Variants in PRICKLE1 observed in about 807,000 individuals in gnomAD.
PRICKLE1 encodes prickle-like protein 1.
A neutral mutation model predicts 70.2 loss-of-function variants in PRICKLE1; 14 were observed. The ratio of observed to expected loss-of-function variants is 0.20; its 90% CI spans 0.13 to 0.31. The LOEUF (loss-of-function observed/expected upper bound fraction) is 0.31. Ranked by LOEUF, PRICKLE1 falls within the 10% of genes least tolerant of loss-of-function variation. The pLI, the probability that PRICKLE1 is intolerant of heterozygous loss-of-function variation, is 1.00. For synonymous variants in PRICKLE1, 357 were observed against 379.9 expected, an observed-to-expected ratio of 0.94 and a Z score of 0.70; for missense variants, 821 against 1,026.2, an observed-to-expected ratio of 0.80 and a Z score of 2.73.
At chr12:42,470,046 GTGT>G in intron 3 of PRICKLE1, 197 bp downstream of exon 3, 1 of 569,698 alleles carries the variant, frequency 1.8e-6, no homozygotes, top group South Asian at 2.0e-5. Context: ...AAACCAACTT[GTGT>G]TAAGTTTATT....
At chr12:42,553,367 C>T (rs1218140480) in intron 1 of PRICKLE1, among the ~76,000 whole-genome samples, 1 of 151,510 alleles carries the variant, frequency 6.6e-6, no homozygotes, top group Non-Finnish European at 1.5e-5. Context: ...TGGCGTGAAC[C>T]GGGGAGGCAG....
At chr12:42,575,253 G>A (rs1028767774) in intron 1 of PRICKLE1, among the ~76,000 whole-genome samples, 2 of 152,060 alleles carry the variant, frequency 1.3e-5, no homozygotes, top group Non-Finnish European at 2.9e-5. Flanking sequence ...ACAGAGAGCT[G>A]TTACTTAGAA....
At chr12:42,488,787 A>C (rs996417668) in intron 1 of PRICKLE1, among the ~76,000 whole-genome samples, 1 of 152,202 alleles carries the variant, frequency 6.6e-6, no homozygotes, top group African/African-American at 2.4e-5. Context: ...TTTAGATACT[A>C]TAAATACCAA....
At chr12:42,527,916 AATATATATATATATATAT>A (rs1163552624) in intron 1 of PRICKLE1, among the ~76,000 whole-genome samples, 367 of 20,144 alleles carry the variant, frequency 0.018, 30 homozygotes, top group African/African-American at 0.046. Flanking sequence ...TACTCTTTAT[AATATATATATATATATAT>A]ATATATATAT....
chr12:42,563,363 A>AT (rs1940552941), intron 1 of PRICKLE1, among the ~76,000 whole-genome samples: 2 of 152,062 alleles, frequency 1.3e-5, no homozygotes, highest in South Asian at 4.2e-4. Flanking sequence ...ATGTTTAATT[A>AT]TCATGGGTAT....
At chr12:42,514,408 CT>C (rs143664259) in intron 1 of PRICKLE1, among the ~76,000 whole-genome samples, 10 of 151,634 alleles carry the variant, frequency 6.6e-5, no homozygotes, top group Admixed American at 6.6e-5. Flanking sequence ...AGATCATCAT[CT>C]TTTTTTTTGT....
In PRICKLE1 at chr12:42,466,283, C is replaced by A. The variant is rs1308626806; in HGVS notation, c.686G>T (p.Arg229Met). Residue 229 changes from arginine to methionine, a missense_variant, in exon 6 of 8, where the codon AGG (arginine) becomes ATG (methionine). Coordinates refer to ENST00000345127, the MANE Select transcript of PRICKLE1 (RefSeq NM_153026.3). ...GGGGCGGCCGTCCTTCATGATATAC[C>A]TCTGTCCTCCCAGGACCGTTTCACA... ...LECETVLGGQ[R>M]YIMKDGRPFC... is the part of the protein sequence containing the mutation. The A allele has an allele frequency of 2.5e-6, 4 of 1,614,192 alleles. No homozygotes were observed. Among genetic ancestry groups the A allele is most frequent in the Non-Finnish European group, 3.4e-6 (4 of 1,180,046 alleles).
In PRICKLE1 at chr12:42,457,345, C is replaced by T. The variant is rs1937629626; in HGVS notation, c.*2464G>A. The T allele has an allele frequency of 6.6e-6, 1 of 152,166 alleles. No individual in the cohort carries two copies. The highest frequency in any genetic ancestry group is 2.4e-5 in the African/African-American group (1 of 41,438). The allele number at this position is 152,166 out of a possible 1,614,324, so 9.4% of individuals were successfully genotyped here. Reference sequence around the variant, plus strand: ...TGCATTTCTTCAGGCTAAGTATCACCTGTTTACTATTTATTATCCATCCTT... The same window carrying T: ...TGCATTTCTTCAGGCTAAGTATCACTTGTTTACTATTTATTATCCATCCTT... On this transcript the variant is annotated 3_prime_UTR_variant, in exon 8 of 8. Transcript: ENST00000345127.
At position 42,460,402 on chromosome 12, in the gene PRICKLE1, C is replaced by T. The variant is rs1203666124; in HGVS notation, c.1903G>A (p.Asp635Asn). 3 of 1,614,100 alleles carry T rather than the reference C, an allele frequency of 1.9e-6. No individual in the cohort carries two copies. Among genetic ancestry groups the T allele is most frequent in the East Asian group, 2.2e-5 (1 of 44,886 alleles). Residue 635 changes from aspartate to asparagine, a missense_variant, in exon 8 of 8, where the codon GAT (aspartate) becomes AAT (asparagine). By Grantham distance (23) the Asp-to-Asn change is conservative. Transcript: ENST00000345127. ...QSRPQQVKFSDDVIDNGNYDI... is the reference protein window; with the variant it reads ...QSRPQQVKFSNDVIDNGNYDI... ...TAGTTCCCATTGTCAATGACATCATCAGAAAACTTGACCTGCTGGGGTCTG... is the reference window on the plus strand; with the variant it reads ...TAGTTCCCATTGTCAATGACATCATTAGAAAACTTGACCTGCTGGGGTCTG...
intron 1 of PRICKLE1, among the ~76,000 whole-genome samples, chr12:42,519,193 C>CTTTTTTTTTTTTTTTTTTTTTTTTTT (rs11342397): frequency 1.0e-5 from 1 of 99,190 alleles, no homozygotes; most frequent in East Asian, 3.2e-4. Context: ...CCTTTTTTTC[C>CTTTTTTTTTTTTTTTTTTTTTTTTTT]TTTTTTTTTT....
Position 42,460,565 on chromosome 12 carries a change from C to T in PRICKLE1, c.1740G>A (p.Met580Ile). ...ETEDCEKMSN[M>I]GTLNSSMLHR... ...GCAGCATGGAAGAGTTCAAAGTTCC[C>T]ATATTGCTCATCTTCTCACAATCTT... The change falls in exon 8 of 8, where the codon ATG becomes ATA. Residue 580 changes from methionine to isoleucine, a missense_variant. Physicochemically the swap from Met to Ile is conservative, Grantham distance 10 (BLOSUM62 1). Transcript: ENST00000345127. 1 of 1,614,052 alleles carries T rather than the reference C, an allele frequency of 6.2e-7. No homozygotes were observed. The highest frequency in any genetic ancestry group is 8.5e-7 in the Non-Finnish European group (1 of 1,180,038).
At chr12:42,540,605 C>T (rs1940094848) in intron 1 of PRICKLE1, among the ~76,000 whole-genome samples, 1 of 152,066 alleles carries the variant, frequency 6.6e-6, no homozygotes, top group Non-Finnish European at 1.5e-5. Context: ...TCTTGTTGCC[C>T]AGGCTGGAGT....
intron 1 of PRICKLE1, among the ~76,000 whole-genome samples, chr12:42,508,862 C>T (rs909867285): frequency 1.3e-5 from 2 of 152,300 alleles, no homozygotes; most frequent in South Asian, 2.1e-4. Flanking sequence ...CCCTGGGGAC[C>T]TCAGTTTCTC....
Position 42,459,095 on chromosome 12 carries a change from A to C in PRICKLE1, c.*714T>G, listed in dbSNP as rs1328542199. 1 of 449,666 alleles carries C rather than the reference A, an allele frequency of 2.2e-6. No individual in the cohort carries two copies. The highest frequency in any genetic ancestry group is 4.0e-6 in the Non-Finnish European group (1 of 252,282). 27.9% of individuals were successfully genotyped at this position (449,666 alleles called of 1,614,324 possible). The stretch of plus-strand genomic sequence containing the variant: ...CATCCATAAATTCTGGTTCCCTGGC[A>C]AATCTAGCACTGCAGCGTAACAAAC... On this transcript the variant is annotated 3_prime_UTR_variant, in exon 8 of 8. Transcript: ENST00000345127.
intron 1 of PRICKLE1, chr12:42,483,092 G>A (rs949542847): frequency 1.3e-5 from 2 of 152,482 alleles, no homozygotes; most frequent in African/African-American, 4.8e-5. Flanking sequence ...GCGAAGCCCC[G>A]AGAGAACAGT....
chr12:42,482,703 T>C (rs2140156215), intron 1 of PRICKLE1: 1 of 152,348 alleles, frequency 6.6e-6, no homozygotes, highest in Non-Finnish European at 1.5e-5. Context: ...TAGCCTGGCT[T>C]ATAAGGACAC....
intron 1 of PRICKLE1, among the ~76,000 whole-genome samples, chr12:42,543,937 A>T (rs1940160919): frequency 6.6e-6 from 1 of 152,266 alleles, no homozygotes; most frequent in Non-Finnish European, 1.5e-5. Context: ...ACAATAAAGT[A>T]AGCTAGAGAA....
At chr12:42,492,051 TG>T (rs1297823060) in intron 1 of PRICKLE1, among the ~76,000 whole-genome samples, 2 of 151,950 alleles carry the variant, frequency 1.3e-5, no homozygotes, top group African/African-American at 4.8e-5. Context: ...CCCAAAGTGC[TG>T]GGATTACAGG....
intron 1 of PRICKLE1, among the ~76,000 whole-genome samples, chr12:42,560,798 AC>A (rs1940500045): frequency 1.5e-5 from 2 of 132,764 alleles, no homozygotes; most frequent in Non-Finnish European, 3.3e-5. Context: ...ACACACACAC[AC>A]ACACACACAC....
Sources: gnomAD v4.1 joint callset for allele counts (sites outside exome capture counted in the v4.1 genomes callset) on GRCh38, gnomAD v4.1.1 for gene constraint, MANE v1.5 for transcripts, NCBI Gene and HGNC (gene_info 2026-07-23, HGNC 2026-07-21) for gene names.